Variants in EIPR1 observed in about 807,000 individuals in gnomAD.
The protein encoded by EIPR1 is EARP complex and GARP complex interacting protein 1, also known as EARP and GARP complex-interacting protein 1.
In EIPR1, 25 loss-of-function variants were observed where a neutral mutation model predicts 48.1. The ratio of observed to expected loss-of-function variants is 0.52; its 90% CI spans 0.38 to 0.73. The LOEUF is 0.73. Ranked by LOEUF, EIPR1 falls within the 30% of genes least tolerant of loss-of-function variation. The probability of loss-of-function intolerance (pLI) is 0.00; values close to 1 mark genes in which losing one functional copy is unlikely to be tolerated. For missense variants in EIPR1, 415 were observed against 506.2 expected (o/e 0.82, Z 1.73); for synonymous variants, 204 against 201.9 (o/e 1.01, Z -0.09).
At chr2:3,197,128 T>C in intron 5 of EIPR1, 111 bp from the exon 6 acceptor site, 1 of 1,202,958 alleles carries the variant, frequency 8.3e-7, no homozygotes, top group Non-Finnish European at 1.1e-6. Context: ...TGAAAATAAT[T>C]ACTGAGGATA....
intron 1 of EIPR1, among the ~76,000 whole-genome samples, chr2:3,358,797 G>T (rs767097079): frequency 1.3e-5 from 2 of 152,214 alleles, no homozygotes; most frequent in South Asian, 4.1e-4. Flanking sequence ...CAGGTCAGGA[G>T]AGAGAACACC....
intron 2 of EIPR1, among the ~76,000 whole-genome samples, chr2:3,344,268 A>G (rs771938088): frequency 5.9e-5 from 9 of 152,216 alleles, no homozygotes; most frequent in Non-Finnish European, 8.8e-5. Flanking sequence ...CACCTGCCCA[A>G]TGGCAATTCC....
intron 2 of EIPR1, among the ~76,000 whole-genome samples, chr2:3,350,041 C>T (rs965974942): frequency 7.3e-6 from 1 of 137,512 alleles, no homozygotes; most frequent in African/African-American, 2.7e-5. Flanking sequence ...TCGCTTGAAC[C>T]TGGGAGGCAG....
At chr2:3,306,674 T>C (rs572878948) in intron 3 of EIPR1, among the ~76,000 whole-genome samples, 1 of 152,326 alleles carries the variant, frequency 6.6e-6, no homozygotes, top group Admixed American at 6.5e-5. Flanking sequence ...AGAGAAAATA[T>C]ATTGACTATT....
chr2:3,284,925 A>G (rs1668133396), intron 3 of EIPR1, among the ~76,000 whole-genome samples: 1 of 152,174 alleles, frequency 6.6e-6, no homozygotes, highest in East Asian at 1.9e-4. Context: ...GGGTGTCAGA[A>G]CCACGTGACC....
chr2:3,332,359 G>A (rs1407340062), intron 3 of EIPR1, among the ~76,000 whole-genome samples: 3 of 152,218 alleles, frequency 2.0e-5, no homozygotes, highest in Admixed American at 6.5e-5. Context: ...CGGCAGCTCC[G>A]AAGGGAGAAA....
intron 3 of EIPR1, among the ~76,000 whole-genome samples, chr2:3,310,382 G>A (rs1489628359): frequency 2.6e-5 from 4 of 151,722 alleles, no homozygotes; most frequent in Admixed American, 6.6e-5. Flanking sequence ...GGCCGGGCGC[G>A]GTGGCTCACG....
At chr2:3,259,120 CT>C (rs1667250231) in intron 3 of EIPR1, among the ~76,000 whole-genome samples, 1 of 151,886 alleles carries the variant, frequency 6.6e-6, no homozygotes, top group Admixed American at 6.6e-5. Context: ...TTATCTTAAT[CT>C]TTCTAAATGG....
Position 3,256,855 on chromosome 2 carries a change from G to A in EIPR1, c.416+444C>T, listed in dbSNP as rs982716904. On this transcript the variant is annotated intron_variant, in intron 4 of 8. Transcript: ENST00000382125. ...GACACACCACATGCCGGACACGGGCGGGCTTGGGCACGCAGCCCCACAGGC... is the reference window on the plus strand; with the variant it reads ...GACACACCACATGCCGGACACGGGCAGGCTTGGGCACGCAGCCCCACAGGC... Among the ~76,000 whole-genome samples the A allele has an allele frequency of 1.3e-4, 20 of 152,338 alleles. No individual in the cohort carries two copies. The South Asian group carries it at 1.9e-3, about 14-fold the overall frequency.
At chr2:3,364,042 A>G (rs1483052975) in intron 1 of EIPR1, among the ~76,000 whole-genome samples, 1 of 152,184 alleles carries the variant, frequency 6.6e-6, no homozygotes, top group African/African-American at 2.4e-5. Flanking sequence ...AGAGAGAGGG[A>G]GCCCTCATAC....
chr2:3,257,264 C>T, intron 4 of EIPR1, 35 bp downstream of exon 4: 2 of 1,591,014 alleles, frequency 1.3e-6, no homozygotes, highest in Non-Finnish European at 8.6e-7. Flanking sequence ...AACCTGCAGG[C>T]TCGTTCTGGG....
intron 3 of EIPR1, among the ~76,000 whole-genome samples, chr2:3,321,656 G>C (rs1030594275): frequency 6.6e-6 from 1 of 152,198 alleles, no homozygotes; most frequent in Non-Finnish European, 1.5e-5. Flanking sequence ...AGGGGAAAAT[G>C]CATCTTTAAA....
chr2:3,374,375 A>C (rs1394550725), intron 1 of EIPR1, among the ~76,000 whole-genome samples: 1 of 151,860 alleles, frequency 6.6e-6, no homozygotes, highest in Admixed American at 6.6e-5. Context: ...CAAAATTGAC[A>C]AATGGGATCT....
At chr2:3,332,350 G>A (rs55727967) in intron 3 of EIPR1, among the ~76,000 whole-genome samples, 10,122 of 152,258 alleles carry the variant, frequency 0.066, 355 homozygotes, top group African/African-American at 0.078. Flanking sequence ...GGAAGTACCC[G>A]GCAGCTCCGA....
At chr2:3,328,329 G>A (rs1264289799) in intron 3 of EIPR1, among the ~76,000 whole-genome samples, 2 of 152,186 alleles carry the variant, frequency 1.3e-5, no homozygotes, top group African/African-American at 4.8e-5. Flanking sequence ...CTCTAGAGGG[G>A]TCAGCCTGGG....
intron 2 of EIPR1, among the ~76,000 whole-genome samples, chr2:3,348,203 G>A (rs1670462662): frequency 6.6e-6 from 1 of 152,200 alleles, no homozygotes; most frequent in Non-Finnish European, 1.5e-5. Context: ...AGCCAGGGGA[G>A]GAAACGAGCT....
intron 3 of EIPR1, among the ~76,000 whole-genome samples, chr2:3,267,723 A>G (rs757737113): frequency 5.9e-5 from 9 of 152,104 alleles, no homozygotes; most frequent in African/African-American, 9.7e-5. Flanking sequence ...TGCTGTGCCC[A>G]TCGGGCACAT....
At chr2:3,317,771 G>C (rs1669356752) in intron 3 of EIPR1, among the ~76,000 whole-genome samples, 1 of 152,190 alleles carries the variant, frequency 6.6e-6, no homozygotes, top group Admixed American at 6.5e-5. Flanking sequence ...AGAAGAGAAA[G>C]AGACGTGGGG....
At chr2:3,241,282 G>T (rs1176934452) in intron 4 of EIPR1, among the ~76,000 whole-genome samples, 1 of 152,194 alleles carries the variant, frequency 6.6e-6, no homozygotes, top group East Asian at 1.9e-4. Flanking sequence ...AATCCATGGG[G>T]GCCCAACTGC....
Sources: gnomAD v4.1 joint callset for allele counts (sites outside exome capture counted in the v4.1 genomes callset) on GRCh38, gnomAD v4.1.1 for gene constraint, MANE v1.5 for transcripts, NCBI Gene and HGNC (gene_info 2026-07-23, HGNC 2026-07-21) for gene names.